MLIP: variants seen among roughly 807,000 people sequenced by gnomAD.
The protein encoded by MLIP is muscular LMNA-interacting protein.
Under a neutral mutation model 84.8 loss-of-function variants are expected in MLIP, and 79 were observed. The observed-to-expected ratio is 0.93, with a 90% CI of 0.78 to 1.12. The LOEUF is 1.12. Among genes scored for constraint, MLIP ranks in the 50% most tolerant of loss-of-function variants. The pLI is 0.00. For missense variants in MLIP, 1,257 were observed against 1,160.6 expected (o/e 1.08, Z -1.21); for synonymous variants, 504 against 463.0 (o/e 1.09, Z -1.14).
At chr6:54,180,511 C>A (rs1455126451) in intron 9 of MLIP, among the ~76,000 whole-genome samples, 1 of 152,054 alleles carries the variant, frequency 6.6e-6, no homozygotes, top group Non-Finnish European at 1.5e-5. Flanking sequence ...GGAAGGTGTG[C>A]TTCATTGTTT....
At chr6:54,227,118 G>A (rs568693245) in intron 11 of MLIP, among the ~76,000 whole-genome samples, 1 of 152,248 alleles carries the variant, frequency 6.6e-6, no homozygotes, top group African/African-American at 2.4e-5. Flanking sequence ...AATATGTGTA[G>A]CAATTCCCCT....
intron 12 of MLIP, among the ~76,000 whole-genome samples, chr6:54,240,289 A>G (rs1395937741): frequency 6.6e-6 from 1 of 152,252 alleles, no homozygotes; most frequent in Non-Finnish European, 1.5e-5. Context: ...GAGTGAAGAA[A>G]CAATCCATCA....
In MLIP at chr6:54,252,146, A is replaced by ATATAT. The variant is rs369222563; in HGVS notation, c.2923-5158_2923-5157insTTATA. On this transcript the variant is annotated intron_variant, in intron 12 of 13. Transcript: ENST00000502396. ...TTATAACATATAATATATAACTATAATATAACATATAATATATAACTATAT... is the reference window on the plus strand; with the variant it reads ...TTATAACATATAATATATAACTATAATATATTATAACATATAATATATAACTATAT... Among the ~76,000 whole-genome samples the ATATAT allele has an allele frequency of 5.5e-3, 381 of 68,688 alleles. 31 individuals carry two copies. The highest frequency in any genetic ancestry group is 0.041 in the African/African-American group (354 of 8,690). 45.1% of individuals were successfully genotyped at this position (68,688 alleles called of 152,430 possible).
chr6:54,253,488 C>T (rs1190105195), intron 12 of MLIP, among the ~76,000 whole-genome samples: 1 of 152,160 alleles, frequency 6.6e-6, no homozygotes, highest in Admixed American at 6.5e-5. Flanking sequence ...AGAAAACATA[C>T]TTTATCTCCA....
intron 1 of MLIP, among the ~76,000 whole-genome samples, chr6:54,055,689 T>C (rs894728603): frequency 2.0e-5 from 3 of 152,052 alleles, no homozygotes; most frequent in Non-Finnish European, 4.4e-5. Flanking sequence ...ATGGAACACA[T>C]AATAAATATG....
chr6:54,077,907 G>A (rs528886335), intron 1 of MLIP, among the ~76,000 whole-genome samples: 25 of 152,146 alleles, frequency 1.6e-4, no homozygotes, highest in East Asian at 1.2e-3. Flanking sequence ...GCATTTTTTC[G>A]TGGATGAGAA....
chr6:54,242,770 A>G (rs1175657880), intron 12 of MLIP, among the ~76,000 whole-genome samples: 1 of 152,220 alleles, frequency 6.6e-6, no homozygotes, highest in Non-Finnish European at 1.5e-5. Context: ...TGAGATAAGC[A>G]GTCTACAATT....
At chr6:54,178,262 A>G (rs1776502093) in intron 9 of MLIP, among the ~76,000 whole-genome samples, 1 of 151,658 alleles carries the variant, frequency 6.6e-6, no homozygotes, top group African/African-American at 2.4e-5. Flanking sequence ...TTCAGTTGTA[A>G]TGTTTTCATT....
chr6:54,234,553 A>T (rs971170146), intron 12 of MLIP, among the ~76,000 whole-genome samples: 7 of 152,148 alleles, frequency 4.6e-5, no homozygotes, highest in African/African-American at 1.7e-4. Context: ...CAAATCTATC[A>T]GTTTCAAAAT....
chr6:54,165,506 T>C, intron 8 of MLIP, among the ~76,000 whole-genome samples: 1 of 151,890 alleles, frequency 6.6e-6, no homozygotes, highest in Admixed American at 6.6e-5. Context: ...ACCCCATTGA[T>C]CTCCTTATCT....
intron 1 of MLIP, among the ~76,000 whole-genome samples, chr6:54,097,112 C>G (rs1201088090): frequency 6.6e-6 from 1 of 152,174 alleles, no homozygotes; most frequent in Non-Finnish European, 1.5e-5. Flanking sequence ...AAGATTAGAT[C>G]AGGCTGTGCA....
chr6:54,224,741 C>T (rs934085046), intron 11 of MLIP, among the ~76,000 whole-genome samples: 1 of 151,794 alleles, frequency 6.6e-6, no homozygotes, highest in African/African-American at 2.4e-5. Flanking sequence ...CCCCCTTGCA[C>T]TCTTCCCCCC....
intron 10 of MLIP, among the ~76,000 whole-genome samples, chr6:54,198,191 C>T (rs998333846): frequency 1.2e-4 from 18 of 152,020 alleles, no homozygotes; most frequent in Admixed American, 7.2e-4. Context: ...AATGCAGATT[C>T]GGATTCAGTA....
chr6:54,186,990 G>T (rs1251270879), intron 9 of MLIP, among the ~76,000 whole-genome samples: 1 of 151,976 alleles, frequency 6.6e-6, no homozygotes, highest in Non-Finnish European at 1.5e-5. Flanking sequence ...AACCTACAAG[G>T]CCATATTGAC....
rs1406083367 is a variant in MLIP at position 54,137,098 on chromosome 6, G to T, written c.1029G>T (p.Pro343=). The change falls in exon 4 of 14, where the codon CCG becomes CCT. Residue 343 remains proline (P), a synonymous_variant. Coordinates refer to ENST00000502396, the MANE Select transcript of MLIP (RefSeq NM_001281747.2). Reference sequence around the variant, plus strand: ...ATGTCCTTAGTCACGGAGAAAGTCCGAGAACCTCTTCTTCTCCACCGTCCT... The same window carrying T: ...ATGTCCTTAGTCACGGAGAAAGTCCTAGAACCTCTTCTTCTCCACCGTCCT... ...TSHVLSHGES[P]RTSSSPPSSS... 2.0e-5 allele frequency: 30 copies of T among 1,535,900 alleles called. No individual in the cohort carries two copies. The highest frequency in any genetic ancestry group is 2.2e-5 in the Non-Finnish European group (25 of 1,146,876).
chr6:54,241,424 T>C (rs1684329807), intron 12 of MLIP, among the ~76,000 whole-genome samples: 1 of 152,114 alleles, frequency 6.6e-6, no homozygotes, highest in Admixed American at 6.6e-5. Flanking sequence ...ATTGTCCCCA[T>C]GTGCTTGTAA....
intron 3 of MLIP, among the ~76,000 whole-genome samples, chr6:54,130,733 G>A (rs756684491): frequency 3.3e-5 from 5 of 152,136 alleles, no homozygotes; most frequent in Admixed American, 6.5e-5. Context: ...TCAGCCTGGA[G>A]CATCAGAAAG....
chr6:54,262,475 T>C (rs1783450009), intron 13 of MLIP, among the ~76,000 whole-genome samples: 1 of 152,036 alleles, frequency 6.6e-6, no homozygotes, highest in Non-Finnish European at 1.5e-5. Flanking sequence ...TAAGTTCACC[T>C]GGAATTTGGG....
intron 1 of MLIP, among the ~76,000 whole-genome samples, chr6:54,062,188 GT>G (rs201279091): frequency 4.0e-5 from 6 of 151,296 alleles, no homozygotes; most frequent in Non-Finnish European, 5.9e-5. Flanking sequence ...TTAACAGTAT[GT>G]TTTTTTTTCT....
Sources: allele counts gnomAD v4.1 joint callset (sites outside exome capture counted in the v4.1 genomes callset), GRCh38; gene constraint gnomAD v4.1.1; transcripts MANE v1.5; gene names NCBI Gene and HGNC (gene_info 2026-07-23, HGNC 2026-07-21).